PRIM2: variants seen among roughly 807,000 people sequenced by gnomAD.
The protein encoded by PRIM2 is DNA primase subunit 2.
A neutral mutation model predicts 67.3 loss-of-function variants in PRIM2; 39 were observed. That is an observed-to-expected ratio of 0.58 (90% CI 0.45 to 0.76). The LOEUF (loss-of-function observed/expected upper bound fraction) is 0.76, where lower values mean the gene tolerates loss of function less well. Ranked by LOEUF, PRIM2 falls within the 30% of genes least tolerant of loss-of-function variation. The probability of loss-of-function intolerance (pLI) is 0.00; values close to 1 mark genes in which losing one functional copy is unlikely to be tolerated. For missense variants in PRIM2, 398 were observed against 598.7 expected (o/e 0.66, Z 3.50); for synonymous variants, 143 against 198.7 (o/e 0.72, Z 2.36).
intron 7 of PRIM2, among the ~76,000 whole-genome samples, chr6:57,439,062 T>A (rs996092891): frequency 3.3e-5 from 5 of 152,184 alleles, no homozygotes; most frequent in African/African-American, 1.2e-4. Context: ...AATCACTTAG[T>A]CACTATTGGG....
chr6:57,449,810 A>G (rs1290108074), intron 7 of PRIM2, among the ~76,000 whole-genome samples: 1 of 152,194 alleles, frequency 6.6e-6, no homozygotes, highest in Non-Finnish European at 1.5e-5. Flanking sequence ...ACCTCCAAGT[A>G]TGATCAGTGA....
chr6:57,306,281 A>G, the PRIM2 span, among the ~76,000 whole-genome samples: 2 of 152,052 alleles, frequency 1.3e-5, no homozygotes, highest in Admixed American at 1.3e-4. Context: ...TATGGTACCC[A>G]AGTGAGAGGG....
intron 12 of PRIM2, among the ~76,000 whole-genome samples, chr6:57,625,855 G>A (rs1776941909): frequency 6.6e-6 from 1 of 152,252 alleles, no homozygotes; most frequent in Non-Finnish European, 1.5e-5. Flanking sequence ...GAAGGTCACA[G>A]CAAGGCAGCA....
upstream of PRIM2, among the ~76,000 whole-genome samples, chr6:57,311,211 G>T (rs1334861084): frequency 4.8e-5 from 7 of 146,742 alleles, no homozygotes; most frequent in African/African-American, 1.8e-4. Flanking sequence ...AGACGGGGCG[G>T]CCGGGCAGAG....
chr6:57,391,368 G>A (rs1770339326), intron 7 of PRIM2, among the ~76,000 whole-genome samples: 1 of 150,404 alleles, frequency 6.6e-6, no homozygotes, highest in Admixed American at 6.6e-5. Context: ...TTGCTGTGCA[G>A]AAGCTGTTAA....
the PRIM2 span, among the ~76,000 whole-genome samples, chr6:57,284,957 C>A: frequency 4.5e-4 from 69 of 152,262 alleles, 1 homozygote; most frequent in African/African-American, 1.5e-3. Flanking sequence ...ACTGACCCCA[C>A]AGAAATACAA....
chr6:57,259,411 G>C, the PRIM2 span, among the ~76,000 whole-genome samples: 1 of 152,112 alleles, frequency 6.6e-6, no homozygotes, highest in Non-Finnish European at 1.5e-5. Flanking sequence ...GTCTCTTAAG[G>C]CCTAGGCTTG....
At chr6:57,250,343 G>T in the PRIM2 span, among the ~76,000 whole-genome samples, 1 of 151,970 alleles carries the variant, frequency 6.6e-6, no homozygotes, top group African/African-American at 2.4e-5. Context: ...TACTGTGCTG[G>T]GCATTGGGTA....
At chr6:57,265,023 C>T in the PRIM2 span, among the ~76,000 whole-genome samples, 4 of 152,128 alleles carry the variant, frequency 2.6e-5, no homozygotes, top group Non-Finnish European at 5.9e-5. Context: ...GTTCTACCTA[C>T]TTGATAGGAT....
At chr6:57,452,233 G>T (rs1189780006) in intron 7 of PRIM2, among the ~76,000 whole-genome samples, 1 of 152,110 alleles carries the variant, frequency 6.6e-6, no homozygotes, top group Middle Eastern at 3.4e-3. Context: ...GAATAGTGCC[G>T]CAATAAACAT....
chr6:57,246,298 A>G, the PRIM2 span, among the ~76,000 whole-genome samples: 2 of 152,222 alleles, frequency 1.3e-5, no homozygotes, highest in Non-Finnish European at 2.9e-5. Flanking sequence ...TTTGAAGTGA[A>G]AAACTCCCAG....
intron 7 of PRIM2, among the ~76,000 whole-genome samples, chr6:57,463,129 C>T (rs780915725): frequency 2.0e-5 from 3 of 152,226 alleles, no homozygotes; most frequent in South Asian, 4.1e-4. Context: ...AGCACTGGCT[C>T]GGAAATCTAG....
At chr6:57,257,141 T>C in the PRIM2 span, among the ~76,000 whole-genome samples, 1 of 152,152 alleles carries the variant, frequency 6.6e-6, no homozygotes, top group East Asian at 1.9e-4. Context: ...GAGTTCTCCT[T>C]GAAGATTTAC....
chr6:57,625,824 GGCC>G (rs1776941300), intron 12 of PRIM2, among the ~76,000 whole-genome samples: 2 of 152,198 alleles, frequency 1.3e-5, no homozygotes, highest in Non-Finnish European at 2.9e-5. Flanking sequence ...AGGGAAACTT[GGCC>G]CTGATCTGCC....
chr6:57,337,635 A>G (rs1409367115), intron 5 of PRIM2, among the ~76,000 whole-genome samples: 1 of 152,244 alleles, frequency 6.6e-6, no homozygotes, highest in Non-Finnish European at 1.5e-5. Flanking sequence ...AAATGAAGGC[A>G]GAAATAAAGA....
chr6:57,639,185 A>T (rs1310952964), intron 13 of PRIM2, among the ~76,000 whole-genome samples: 1 of 152,222 alleles, frequency 6.6e-6, no homozygotes, highest in Non-Finnish European at 1.5e-5. Flanking sequence ...GGCAGAAATA[A>T]ATAAGTTCTT....
intron 11 of PRIM2, among the ~76,000 whole-genome samples, chr6:57,601,945 T>G (rs1776474908): frequency 6.6e-6 from 1 of 152,176 alleles, no homozygotes; most frequent in Admixed American, 6.5e-5. Flanking sequence ...AGAAAGACAT[T>G]CTATGTGACC....
At chr6:57,333,061 A>G (rs1768109427) in intron 5 of PRIM2, among the ~76,000 whole-genome samples, 1 of 152,076 alleles carries the variant, frequency 6.6e-6, no homozygotes, top group Non-Finnish European at 1.5e-5. Flanking sequence ...TTTCCCTTAG[A>G]ATTACAATTA....
At chr6:57,329,252 T>A (rs4715656) in intron 5 of PRIM2, among the ~76,000 whole-genome samples, 4 of 152,074 alleles carry the variant, frequency 2.6e-5, no homozygotes, top group Admixed American at 1.3e-4. Flanking sequence ...CAGTTTTTTC[T>A]GTAAGAGTTT....
Sources: allele counts gnomAD v4.1 joint callset (sites outside exome capture counted in the v4.1 genomes callset), GRCh38; gene constraint gnomAD v4.1.1; transcripts MANE v1.5; gene names NCBI Gene and HGNC (gene_info 2026-07-23, HGNC 2026-07-21).